The following AFAP1 variants were observed in gnomAD, a reference collection of about 807,000 sequenced individuals.
The protein encoded by AFAP1 is actin filament-associated protein 1.
Under a neutral mutation model 93.9 loss-of-function variants are expected in AFAP1, and 75 were observed. The ratio of observed to expected loss-of-function variants is 0.80; its 90% CI spans 0.66 to 0.97. The LOEUF (loss-of-function observed/expected upper bound fraction) is 0.97, where lower values mean the gene tolerates loss of function less well. Among genes scored for constraint, AFAP1 ranks in the 50% least tolerant of loss-of-function variants. The pLI is 0.00. For synonymous variants in AFAP1, 517 were observed against 430.7 expected (o/e 1.20, Z -2.48); for missense variants, 1,201 against 1,050.8 (o/e 1.14, Z -1.98).
intron 1 of AFAP1, among the ~76,000 whole-genome samples, chr4:7,930,758 T>C (rs766551058): frequency 1.3e-5 from 2 of 152,172 alleles, no homozygotes; most frequent in Non-Finnish European, 2.9e-5. Context: ...ACTATCACAA[T>C]AATTTTTTTT....
Position 7,778,678 on chromosome 4 carries a change from C to T in AFAP1, c.1897+84G>A, listed in dbSNP as rs113375353. ...CTCTCCAGCTGACCCCAAGCTGGCA[C>T]TCACGGGTGGGCAGGCTCAGACAGG... On this transcript the variant is annotated intron_variant, in intron 14 of 17. Transcript: ENST00000420658. 655 of 1,353,728 alleles carry T rather than the reference C, an allele frequency of 4.8e-4. 3 individuals carry two copies. In the African/African-American group the frequency reaches 8.7e-3, roughly 18 times the overall value. The allele number at this position is 1,353,728 out of a possible 1,614,324, so 83.9% of individuals were successfully genotyped here.
At chr4:7,817,343 C>T (rs146013358) in intron 7 of AFAP1, among the ~76,000 whole-genome samples, 3,383 of 152,260 alleles carry the variant, frequency 0.022, 111 homozygotes, top group African/African-American at 0.067. Context: ...TGGCTCACAC[C>T]TGTAATCCCA....
At chr4:7,829,417 T>G (rs751635124) in intron 6 of AFAP1, among the ~76,000 whole-genome samples, 4 of 152,218 alleles carry the variant, frequency 2.6e-5, no homozygotes, top group Admixed American at 6.5e-5. Flanking sequence ...ATCCTACCAC[T>G]TCCCTGAGGC....
At chr4:7,800,226 G>A in intron 10 of AFAP1, among the ~76,000 whole-genome samples, 1 of 152,032 alleles carries the variant, frequency 6.6e-6, no homozygotes, top group Admixed American at 6.6e-5. Context: ...GTGGTGCTGG[G>A]GTGCCGTCAT....
chr4:7,891,598 A>C (rs1718474124), intron 1 of AFAP1, among the ~76,000 whole-genome samples: 1 of 152,150 alleles, frequency 6.6e-6, no homozygotes, highest in South Asian at 2.1e-4. Context: ...ATTCCTAATC[A>C]CAGGCTCTAA....
chr4:7,853,398 C>T (rs1047744675), intron 4 of AFAP1, among the ~76,000 whole-genome samples: 1 of 152,184 alleles, frequency 6.6e-6, no homozygotes, highest in East Asian at 1.9e-4. Flanking sequence ...GGAGCAGTGG[C>T]CCCAGACTCT....
intron 11 of AFAP1, among the ~76,000 whole-genome samples, chr4:7,788,256 A>G (rs1000053554): frequency 5.3e-5 from 8 of 152,232 alleles, no homozygotes; most frequent in Non-Finnish European, 1.2e-4. Context: ...TTCTGTGATC[A>G]CCAGATGAAG....
intron 7 of AFAP1, 40 bp downstream of exon 7, chr4:7,819,036 C>A: frequency 6.6e-7 from 1 of 1,511,374 alleles, no homozygotes; most frequent in Non-Finnish European, 8.9e-7. Context: ...CAATCCACTG[C>A]AAGGTCACCG....
intron 3 of AFAP1, among the ~76,000 whole-genome samples, chr4:7,862,754 A>G (rs1015738101): frequency 1.3e-5 from 2 of 152,204 alleles, no homozygotes; most frequent in Admixed American, 1.3e-4. Context: ...GCTGTCTACC[A>G]AATGAAAATA....
At chr4:7,801,615 A>C (rs916759694) in intron 9 of AFAP1, among the ~76,000 whole-genome samples, 3 of 152,136 alleles carry the variant, frequency 2.0e-5, no homozygotes, top group African/African-American at 7.2e-5. Context: ...AAAGCGAGAT[A>C]AATAGCATAG....
intron 13 of AFAP1, 132 bp downstream of exon 13, chr4:7,781,244 A>C: frequency 8.5e-7 from 1 of 1,174,358 alleles, no homozygotes; most frequent in South Asian, 1.6e-5. Flanking sequence ...TGCAAATTAT[A>C]TTCTAGTTGA....
At chr4:7,921,206 TG>T in intron 1 of AFAP1, among the ~76,000 whole-genome samples, 1 of 118,358 alleles carries the variant, frequency 8.4e-6, no homozygotes. Flanking sequence ...TTTTTTGAGA[TG>T]GAGTCTTGCT....
intron 1 of AFAP1, among the ~76,000 whole-genome samples, chr4:7,913,395 A>G (rs975573741): frequency 6.6e-6 from 1 of 152,012 alleles, no homozygotes; most frequent in Non-Finnish European, 1.5e-5. Context: ...CTCCAAAAAA[A>G]AAAAAAAAAA....
At chr4:7,865,292 G>A (rs1173749486) in intron 3 of AFAP1, among the ~76,000 whole-genome samples, 1 of 152,132 alleles carries the variant, frequency 6.6e-6, no homozygotes, top group Non-Finnish European at 1.5e-5. Flanking sequence ...GCACCAGGAG[G>A]GAGAAATTAC....
chr4:7,925,216 A>G (rs533446348), intron 1 of AFAP1, among the ~76,000 whole-genome samples: 2 of 152,328 alleles, frequency 1.3e-5, no homozygotes, highest in African/African-American at 4.8e-5. Flanking sequence ...ACCAAGCTAT[A>G]GAATTCAGAA....
chr4:7,879,699 C>CTTTTT (rs552211338), intron 1 of AFAP1, among the ~76,000 whole-genome samples: 33 of 121,720 alleles, frequency 2.7e-4, no homozygotes, highest in Non-Finnish European at 3.1e-4. Flanking sequence ...TGCTTGCTTG[C>CTTTTT]TTTTTTTTTT....
chr4:7,845,464 G>T (rs1051629039), intron 4 of AFAP1, among the ~76,000 whole-genome samples: 1 of 152,026 alleles, frequency 6.6e-6, no homozygotes, highest in Non-Finnish European at 1.5e-5. Context: ...TTAGGCAAAA[G>T]CTAAGGAGAT....
chr4:7,893,351 C>T (rs917048418), intron 1 of AFAP1, among the ~76,000 whole-genome samples: 4 of 152,092 alleles, frequency 2.6e-5, no homozygotes, highest in Non-Finnish European at 4.4e-5. Flanking sequence ...GAGGCCGAGG[C>T]GGGCGGATCA....
intron 8 of AFAP1, among the ~76,000 whole-genome samples, chr4:7,812,238 C>T (rs946898375): frequency 6.6e-6 from 1 of 152,122 alleles, no homozygotes; most frequent in Non-Finnish European, 1.5e-5. Context: ...AGCCCGAGTG[C>T]CCGGGGCACC....
Sources: gnomAD v4.1 joint callset for allele counts (sites outside exome capture counted in the v4.1 genomes callset) on GRCh38, gnomAD v4.1.1 for gene constraint, MANE v1.5 for transcripts, NCBI Gene and HGNC (gene_info 2026-07-23, HGNC 2026-07-21) for gene names.